DNAH3: variants seen among roughly 807,000 people sequenced by gnomAD.
The protein encoded by DNAH3 is axonemal beta dynein heavy chain 3.
DNAH3 carries 332 observed loss-of-function variants against 432.5 expected under a neutral mutation model. The ratio of observed to expected loss-of-function variants is 0.77; its 90% CI spans 0.70 to 0.84. The LOEUF (loss-of-function observed/expected upper bound fraction) is 0.84. Among genes scored for constraint, DNAH3 ranks in the 40% least tolerant of loss-of-function variants. The pLI, the probability that DNAH3 is intolerant of heterozygous loss-of-function variation, is 0.00. For missense variants in DNAH3, 4,861 were observed against 5,114.0 expected (o/e 0.95, Z 1.51); for synonymous variants, 1,956 against 1,900.2 (o/e 1.03, Z -0.76).
exon 53 of DNAH3, chr16:20,963,504 G>C (rs1428973862): frequency 6.2e-7 from 1 of 1,614,034 alleles, no homozygotes. Flanking sequence ...AAGACCCAGG[G>C]AGTTGCTCCT....
chr16:21,050,798 G>A (rs2089922918), intron 29 of DNAH3, among the ~76,000 whole-genome samples: 1 of 152,164 alleles, frequency 6.6e-6, no homozygotes, highest in Non-Finnish European at 1.5e-5. Flanking sequence ...CATAACCTCA[G>A]TAAATTAATA....
At chr16:21,048,338 CG>C (rs1293120477) in intron 31 of DNAH3, among the ~76,000 whole-genome samples, 30 of 152,200 alleles carry the variant, frequency 2.0e-4, no homozygotes, top group Admixed American at 3.3e-4. Flanking sequence ...ACTCCGTGGG[CG>C]TAGGACCCTC....
At chr16:21,151,297 C>A (rs1252593554) in intron 1 of DNAH3, among the ~76,000 whole-genome samples, 2 of 148,370 alleles carry the variant, frequency 1.3e-5, no homozygotes, top group South Asian at 4.3e-4. Flanking sequence ...AGAAGGATAA[C>A]TGATATTTTC....
intron 54 of DNAH3, among the ~76,000 whole-genome samples, chr16:20,957,537 G>C (rs1311957834): frequency 6.6e-6 from 1 of 152,078 alleles, no homozygotes; most frequent in Admixed American, 6.6e-5. Flanking sequence ...CCTTGGCTGG[G>C]TGTGGTGGCT....
At chr16:21,147,367 C>A (rs907170242) in intron 1 of DNAH3, among the ~76,000 whole-genome samples, 1 of 151,938 alleles carries the variant, frequency 6.6e-6, no homozygotes, top group African/African-American at 2.4e-5. Context: ...GGGTGCCCAC[C>A]ACCATGCCTG....
exon 62 of DNAH3, chr16:20,933,338 C>T (rs1361162610): frequency 6.2e-7 from 1 of 1,614,130 alleles, no homozygotes; most frequent in South Asian, 1.1e-5. Context: ...AAACATTGCG[C>T]TCTCCCCAGG....
At chr16:20,970,068 C>T (rs2085268897) in intron 51 of DNAH3, 78 bp from the exon 52 acceptor site, 1 of 1,360,170 alleles carries the variant, frequency 7.4e-7, no homozygotes, top group Non-Finnish European at 1.0e-6. Context: ...TCCACTCCTA[C>T]ATGAGGAAGA....
At chr16:20,961,561 G>C (rs1321917597) in intron 53 of DNAH3, among the ~76,000 whole-genome samples, 1 of 151,542 alleles carries the variant, frequency 6.6e-6, no homozygotes, top group African/African-American at 2.4e-5. Context: ...GCGTTCATTA[G>C]AGTGGGCCTT....
intron 12 of DNAH3, among the ~76,000 whole-genome samples, chr16:21,112,462 A>C (rs2092098008): frequency 6.6e-6 from 1 of 152,164 alleles, no homozygotes; most frequent in Admixed American, 6.6e-5. Context: ...GGTGGGAGGC[A>C]AAAGACACGT....
intron 33 of DNAH3, among the ~76,000 whole-genome samples, chr16:21,039,512 C>G (rs2089330194): frequency 6.6e-6 from 1 of 152,116 alleles, no homozygotes; most frequent in Non-Finnish European, 1.5e-5. Context: ...GCCACCACAC[C>G]CGGCCTTATA....
At chr16:21,053,326 T>C (rs2090021216) in intron 28 of DNAH3, among the ~76,000 whole-genome samples, 2 of 152,198 alleles carry the variant, frequency 1.3e-5, no homozygotes, top group African/African-American at 4.8e-5. Flanking sequence ...AACCACCTGA[T>C]ACATTCTCCC....
chr16:20,998,765 G>C (rs954872089), intron 43 of DNAH3, among the ~76,000 whole-genome samples: 2 of 149,000 alleles, frequency 1.3e-5, no homozygotes, highest in Admixed American at 6.7e-5. Context: ...AAAAAAAAAG[G>C]GGGGGGCTCC....
chr16:21,036,763 T>C, exon 35 of DNAH3: 1 of 1,614,146 alleles, frequency 6.2e-7, no homozygotes, highest in Non-Finnish European at 8.5e-7. Flanking sequence ...TTTCATCTTT[T>C]TGATGTTATC....
intron 31 of DNAH3, among the ~76,000 whole-genome samples, chr16:21,048,765 C>T (rs1306600962): frequency 1.3e-5 from 2 of 151,428 alleles, no homozygotes; most frequent in Non-Finnish European, 2.9e-5. Flanking sequence ...TAGATCTTGG[C>T]TCATTGCAAC....
At chr16:21,112,679 C>G (rs1251525953) in intron 12 of DNAH3, among the ~76,000 whole-genome samples, 1 of 152,144 alleles carries the variant, frequency 6.6e-6, no homozygotes, top group Non-Finnish European at 1.5e-5. Flanking sequence ...GGTGGGGACA[C>G]AGCCAAACCA....
intron 16 of DNAH3, among the ~76,000 whole-genome samples, chr16:21,103,341 G>A (rs1485813515): frequency 1.4e-5 from 2 of 146,778 alleles, no homozygotes; most frequent in Non-Finnish European, 3.0e-5. Context: ...AAAGGGTGTA[G>A]AGGGTGTGTG....
chr16:21,000,783 AAG>A (rs2086980509), intron 42 of DNAH3, among the ~76,000 whole-genome samples: 1 of 152,338 alleles, frequency 6.6e-6, no homozygotes, highest in South Asian at 2.1e-4. Context: ...TGTAGATGAG[AAG>A]ACTGGGTCGA....
At chr16:21,022,150 T>C (rs1272078937) in intron 39 of DNAH3, 50 bp from the exon 40 acceptor site, 1 of 1,603,638 alleles carries the variant, frequency 6.2e-7, no homozygotes, top group South Asian at 1.1e-5. Context: ...AACAAGTGAG[T>C]TGACGACCAA....
At chr16:20,974,588 T>TG (rs1443926753) in intron 51 of DNAH3, among the ~76,000 whole-genome samples, 1 of 136,738 alleles carries the variant, frequency 7.3e-6, no homozygotes, top group African/African-American at 2.7e-5. Context: ...TGTTTTTTTT[T>TG]TTTTTTTTTT....
Sources: allele counts gnomAD v4.1 joint callset (sites outside exome capture counted in the v4.1 genomes callset), GRCh38; gene constraint gnomAD v4.1.1; transcripts MANE v1.5; gene names NCBI Gene and HGNC (gene_info 2026-07-23, HGNC 2026-07-21).